NCAM1: variants seen among roughly 807,000 people sequenced by gnomAD.
NCAM1 encodes neural cell adhesion molecule 1.
In NCAM1, 14 loss-of-function variants were observed where a neutral mutation model predicts 109.8. The ratio of observed to expected loss-of-function variants is 0.13; its 90% CI spans 0.08 to 0.20. The LOEUF (loss-of-function observed/expected upper bound fraction) is 0.20. Among genes scored for constraint, NCAM1 ranks in the 10% least tolerant of loss-of-function variants. The pLI is 1.00. For missense variants in NCAM1, 774 were observed against 1,109.9 expected (o/e 0.70, Z 4.30); for synonymous variants, 418 against 442.9 (o/e 0.94, Z 0.70).
At chr11:113,097,758 T>G (rs577158466) in intron 1 of NCAM1, among the ~76,000 whole-genome samples, 1 of 152,186 alleles carries the variant, frequency 6.6e-6, no homozygotes, top group African/African-American at 2.4e-5. Context: ...TTAATGGACA[T>G]GTATTTTGAC....
In NCAM1 at chr11:113,275,306, A is replaced by G; in HGVS notation, c.2496A>G (p.Thr832=). 6.2e-7 allele frequency: 1 copy of G among 1,613,890 alleles called. No homozygotes were observed. Among genetic ancestry groups the G allele is most frequent in the Non-Finnish European group, 8.5e-7 (1 of 1,179,840 alleles). The change falls in exon 20 of 20, where the codon ACA becomes ACG. Residue 832 remains threonine (T), a synonymous_variant. Coordinates refer to ENST00000316851, the MANE Select transcript of NCAM1 (RefSeq NM_181351.5). The part of the protein sequence containing the change: ...PVEAKPECQE[T]ETKPAPAEVK... ...AAGCAAAGCCAGAGTGCCAGGAGAC[A>G]GAAACGAAGCCAGCGCCAGCCGAAG... is the stretch of plus-strand genomic sequence containing the variant.
rs1205462952 is a variant in NCAM1, at chr11:112,962,768, A to T, written c.52+1104A>T. 6.7e-6 allele frequency among the ~76,000 whole-genome samples: 1 copy of T among 149,304 alleles called. No individual in the cohort carries two copies. Among genetic ancestry groups the T allele is most frequent in the Non-Finnish European group, 1.5e-5 (1 of 67,278 alleles). ...CCTCCCCTCCAGCTGTCATCCCCCC[A>T]CCTCCACCCAAGGATTTGCGCTTTG... On this transcript the variant is annotated intron_variant, in intron 1 of 19. Coordinates refer to ENST00000316851, the MANE Select transcript of NCAM1 (RefSeq NM_181351.5). The surrounding 1 kb of genome is among the most constrained non-coding windows in gnomAD (Gnocchi z 5.6).
intron 14 of NCAM1, among the ~76,000 whole-genome samples, chr11:113,242,600 A>C (rs1475156146): frequency 5.3e-5 from 8 of 152,140 alleles, no homozygotes; most frequent in African/African-American, 1.7e-4. Context: ...ACAGAGCAAG[A>C]CTCCATCTCA....
intron 1 of NCAM1, among the ~76,000 whole-genome samples, chr11:113,097,786 T>C (rs1258435225): frequency 6.6e-6 from 1 of 152,154 alleles, no homozygotes; most frequent in Non-Finnish European, 1.5e-5. Flanking sequence ...CCTAAAATCA[T>C]GGTGGGATTA....
At chr11:113,036,819 G>C (rs1460223435) in intron 1 of NCAM1, among the ~76,000 whole-genome samples, 1 of 152,040 alleles carries the variant, frequency 6.6e-6, no homozygotes, top group African/African-American at 2.4e-5. Context: ...TTACCATTTT[G>C]CTTGTCTCTG....
chr11:113,224,394 C>T (rs1179660596), intron 9 of NCAM1, among the ~76,000 whole-genome samples: 7 of 152,204 alleles, frequency 4.6e-5, no homozygotes, highest in Non-Finnish European at 8.8e-5. Context: ...GAGGGGCGCC[C>T]GCCATTGCTG....
intron 1 of NCAM1, among the ~76,000 whole-genome samples, chr11:113,162,504 G>A (rs781787779): frequency 5.3e-5 from 8 of 152,054 alleles, no homozygotes; most frequent in Non-Finnish European, 8.8e-5. Context: ...AACTACTGGA[G>A]GTGAAAATGG....
chr11:113,275,470 A>G lies in NCAM1; in HGVS notation c.*83A>G. ...AGCATTTCCAACACCACAGACACAC[A>G]CACGCACGCACACACACAAACACAC... On this transcript the variant is annotated 3_prime_UTR_variant, in exon 20 of 20. Transcript: ENST00000316851. The G allele has an allele frequency of 1.4e-6, 2 of 1,480,408 alleles. No individual in the cohort carries two copies. The highest frequency in any genetic ancestry group is 1.2e-5 in the South Asian group (1 of 80,508). The allele number at this position is 1,480,408 out of a possible 1,614,324, so 91.7% of individuals were successfully genotyped here.
In NCAM1 at chr11:113,009,312, G is replaced by GTTTTTTTGTTGTT. The variant is rs1555073910; in HGVS notation, c.52+47655_52+47656insGTTGTTTTTTTTT. 6.1e-3 allele frequency among the ~76,000 whole-genome samples: 489 copies of GTTTTTTTGTTGTT among 79,668 alleles called. 19 individuals are homozygous for GTTTTTTTGTTGTT. Among genetic ancestry groups the GTTTTTTTGTTGTT allele is most frequent in the East Asian group, 8.3e-3 (16 of 1,920 alleles). The allele number at this position is 79,668 out of a possible 152,430, so 52.3% of individuals were successfully genotyped here. A position where few individuals can be genotyped will look rare whatever the true frequency, so the allele number is the denominator to read the frequency against. On this transcript the variant is annotated intron_variant, in intron 1 of 19. Transcript: ENST00000316851. ...GATTTAATTGGAAGGGTTTTTTCGGGTTTTTTTTTTTTTTTTTTTTTTTTT... is the reference window on the plus strand; with the variant it reads ...GATTTAATTGGAAGGGTTTTTTCGGGTTTTTTTGTTGTTTTTTTTTTTTTTTTTTTTTTTTTTT...
chr11:113,156,142 G>A (rs1942402111), intron 1 of NCAM1, among the ~76,000 whole-genome samples: 1 of 152,122 alleles, frequency 6.6e-6, no homozygotes, highest in Non-Finnish European at 1.5e-5. Context: ...TTGACAACGG[G>A]GAGAAACATG....
At chr11:113,010,211 A>G (rs1555074129) in intron 1 of NCAM1, among the ~76,000 whole-genome samples, 1 of 152,184 alleles carries the variant, frequency 6.6e-6, no homozygotes, top group Admixed American at 6.5e-5. Context: ...ATGATATGCT[A>G]ATTGCAGACC....
intron 1 of NCAM1, among the ~76,000 whole-genome samples, chr11:113,150,416 T>G (rs914863413): frequency 1.3e-5 from 2 of 152,230 alleles, no homozygotes; most frequent in South Asian, 4.1e-4. Flanking sequence ...TGCATGCCTC[T>G]CTGAGCTGTG....
chr11:113,010,585 AATAATTACTGATTG>A (rs1421083113), intron 1 of NCAM1, among the ~76,000 whole-genome samples: 1 of 152,210 alleles, frequency 6.6e-6, no homozygotes. Context: ...TTCTTATAGA[AATAATTACTGATTG>A]ATAATTACTG....
chr11:113,166,607 A>T (rs1942806482), intron 1 of NCAM1, among the ~76,000 whole-genome samples: 1 of 152,200 alleles, frequency 6.6e-6, no homozygotes, highest in Non-Finnish European at 1.5e-5. Context: ...TTGGTGGGAG[A>T]TGTTATTATG....
chr11:113,233,381 C>T lies in NCAM1; in HGVS notation c.1693+64C>T, dbSNP rs921132230. The T allele has an allele frequency of 8.7e-6, 13 of 1,493,914 alleles. No homozygotes were observed. In the African/African-American group the frequency reaches 1.2e-4, roughly 14 times the overall value. 92.5% of individuals were successfully genotyped at this position (1,493,914 alleles called of 1,614,324 possible). ...GTGCCTCAGTACTCAGATGTCCCCACCTGCCATCCTGGGCATGTTCCTACA... is the reference window on the plus strand; with the variant it reads ...GTGCCTCAGTACTCAGATGTCCCCATCTGCCATCCTGGGCATGTTCCTACA... On this transcript the variant is annotated intron_variant, in intron 13 of 19. Coordinates refer to ENST00000316851, the MANE Select transcript of NCAM1 (RefSeq NM_181351.5). The surrounding 1 kb of genome is among the most constrained non-coding windows in gnomAD (Gnocchi z 4.5).
At chr11:113,241,041 G>A (rs1945311090) in intron 14 of NCAM1, among the ~76,000 whole-genome samples, 1 of 152,224 alleles carries the variant, frequency 6.6e-6, no homozygotes, top group Non-Finnish European at 1.5e-5. Flanking sequence ...GGAGAGGCGA[G>A]GGAAAAGCAT....
intron 1 of NCAM1, among the ~76,000 whole-genome samples, chr11:113,035,829 C>G (rs1195373864): frequency 6.6e-6 from 1 of 152,148 alleles, no homozygotes; most frequent in Non-Finnish European, 1.5e-5. Context: ...CTTTCCAAGA[C>G]AGAGGCATGT....
At chr11:113,086,582 G>A (rs1939101407) in intron 1 of NCAM1, among the ~76,000 whole-genome samples, 2 of 152,148 alleles carry the variant, frequency 1.3e-5, no homozygotes, top group South Asian at 2.1e-4. Context: ...AAGGAAGGTA[G>A]GTGTTAAAAG....
At chr11:113,039,998 G>A (rs12274989) in intron 1 of NCAM1, among the ~76,000 whole-genome samples, 1,544 of 152,096 alleles carry the variant, frequency 0.01, 25 homozygotes, top group African/African-American at 0.034. Context: ...AAACTTATCC[G>A]GGCGTGGTGG....
Sources: allele counts gnomAD v4.1 joint callset (sites outside exome capture counted in the v4.1 genomes callset), GRCh38; gene constraint gnomAD v4.1.1; non-coding constraint Gnocchi (gnomAD v3.1); transcripts MANE v1.5; gene names NCBI Gene and HGNC (gene_info 2026-07-23, HGNC 2026-07-21).